HECW1: variants seen among roughly 807,000 people sequenced by gnomAD.
The protein encoded by HECW1 is HECT, C2 and WW domain containing E3 ubiquitin protein ligase 1, also known as E3 ubiquitin-protein ligase HECW1.
Under a neutral mutation model 182.3 loss-of-function variants are expected in HECW1, and 61 were observed. The ratio of observed to expected loss-of-function variants is 0.33; its 90% CI spans 0.27 to 0.41. The LOEUF (loss-of-function observed/expected upper bound fraction) is 0.41. HECW1 is among the 10% of genes least tolerant of loss of function. The pLI, the probability that HECW1 is intolerant of heterozygous loss-of-function variation, is 1.00. For missense variants in HECW1, 1,739 were observed against 2,108.9 expected (o/e 0.82, Z 3.44); for synonymous variants, 859 against 832.6 (o/e 1.03, Z -0.55).
At chr7:43,475,620 A>C (rs796907211) in intron 16 of HECW1, among the ~76,000 whole-genome samples, 6 of 152,328 alleles carry the variant, frequency 3.9e-5, no homozygotes, top group African/African-American at 1.4e-4. Context: ...GCATGATCAC[A>C]GCTCACTGCA....
rs1260232150 is a variant in HECW1, at chr7:43,469,003, C to T, written c.2997C>T (p.Arg999=). 1.1e-5 allele frequency: 17 copies of T among 1,614,120 alleles called. No individual in the cohort carries two copies. The East Asian group carries it at 3.8e-4, about 36-fold the overall frequency. Reference sequence around the variant, plus strand: ...GACGGGATGCTCGCAATTTTGAACGCTACCAGCACAACCGGGACTTGGTGA... The same window carrying T: ...GACGGGATGCTCGCAATTTTGAACGTTACCAGCACAACCGGGACTTGGTGA... ...KVRRDARNFE[R]YQHNRDLVNF... Residue 999 remains arginine (R), a synonymous_variant, in exon 16 of 30, where the codon CGC becomes CGT. Coordinates refer to ENST00000395891, the MANE Select transcript of HECW1 (RefSeq NM_015052.5).
chr7:43,446,279 A>G (rs1179503865), intron 11 of HECW1, among the ~76,000 whole-genome samples: 1 of 152,158 alleles, frequency 6.6e-6, no homozygotes, highest in Non-Finnish European at 1.5e-5. Context: ...TAGTTTTAAA[A>G]CGTATTCTGT....
rs1336867486 is a variant in HECW1 at position 43,179,552 on chromosome 7, A to AGTTTGTT, written c.-31-64319_-31-64313dup. Reference sequence around the variant, plus strand: ...ATTTGGGAGAATTGTATATTTGCTAAGTTTGTTGTTGTTGTTGTTGTTGTT... The same window carrying AGTTTGTT: ...ATTTGGGAGAATTGTATATTTGCTAAGTTTGTTGTTTGTTGTTGTTGTTGTTGTTGTT... On this transcript the variant is annotated intron_variant, in intron 2 of 29. Transcript: ENST00000395891. Among the ~76,000 whole-genome samples, 143 of 114,948 alleles carry AGTTTGTT rather than the reference A, an allele frequency of 1.2e-3. 1 individual carries two copies. Among genetic ancestry groups the AGTTTGTT allele is most frequent in the African/African-American group, 5.3e-3 (134 of 25,330 alleles). The allele number at this position is 114,948 out of a possible 152,430, so 75.4% of individuals were successfully genotyped here.
At chr7:43,247,243 A>G (rs896542203) in intron 3 of HECW1, among the ~76,000 whole-genome samples, 1 of 152,208 alleles carries the variant, frequency 6.6e-6, no homozygotes, top group Non-Finnish European at 1.5e-5. Context: ...AGAAATATGC[A>G]GGAAAACTTG....
chr7:43,187,766 C>A (rs1348927656), intron 2 of HECW1, among the ~76,000 whole-genome samples: 1 of 152,126 alleles, frequency 6.6e-6, no homozygotes, highest in Non-Finnish European at 1.5e-5. Flanking sequence ...CAAATAGGTT[C>A]TGATAATTAT....
At chr7:43,202,918 G>A (rs1199494416) in intron 2 of HECW1, among the ~76,000 whole-genome samples, 1 of 152,034 alleles carries the variant, frequency 6.6e-6, no homozygotes, top group African/African-American at 2.4e-5. Context: ...GCTAGCCAGA[G>A]GACAACCCCC....
Position 43,114,225 on chromosome 7 carries a change from T to C in HECW1, c.-198T>C. 1 of 1,360,532 alleles carries C rather than the reference T, an allele frequency of 7.4e-7. No homozygotes were observed. Among genetic ancestry groups the C allele is most frequent in the Non-Finnish European group, 9.7e-7 (1 of 1,033,996 alleles). 84.3% of individuals were successfully genotyped at this position (1,360,532 alleles called of 1,614,324 possible). Reference sequence around the variant, plus strand: ...CATAGTTCAAAAATTGAGGGAGGCATCTTCTCTCTTTTCCTGGGATTTAAA... The same window carrying C: ...CATAGTTCAAAAATTGAGGGAGGCACCTTCTCTCTTTTCCTGGGATTTAAA... On this transcript the variant is annotated 5_prime_UTR_variant, in exon 2 of 30. Transcript: ENST00000395891.
intron 26 of HECW1, among the ~76,000 whole-genome samples, chr7:43,544,860 A>G (rs2081495705): frequency 6.6e-6 from 1 of 152,224 alleles, no homozygotes; most frequent in South Asian, 2.1e-4. Flanking sequence ...AACAATAAAG[A>G]AAGAAAAACA....
Position 43,320,619 on chromosome 7 carries a change from T to A in HECW1, c.353-16T>A. On this transcript the variant is annotated splice_polypyrimidine_tract_variant and intron_variant, in intron 4 of 29. Transcript: ENST00000395891. ...GATATGTTTCTCTGCTCTGCTTTCT[T>A]CCTCTGGGAATATAGATGAGGTCTT... The A allele has an allele frequency of 6.4e-7, 1 of 1,557,676 alleles. No homozygotes were observed.
intron 3 of HECW1, among the ~76,000 whole-genome samples, chr7:43,287,380 G>A (rs538463590): frequency 6.0e-4 from 91 of 152,248 alleles, no homozygotes; most frequent in African/African-American, 2.1e-3. Context: ...GGTTGTGATG[G>A]GCGGGCAGGA....
At chr7:43,544,838 G>A (rs1262578746) in intron 26 of HECW1, among the ~76,000 whole-genome samples, 1 of 152,008 alleles carries the variant, frequency 6.6e-6, no homozygotes, top group Admixed American at 6.6e-5. Flanking sequence ...GCAATAAACA[G>A]GGTACACTAA....
At chr7:43,481,007 A>G (rs890782397) in intron 17 of HECW1, among the ~76,000 whole-genome samples, 1 of 152,308 alleles carries the variant, frequency 6.6e-6, no homozygotes, top group Non-Finnish European at 1.5e-5. Context: ...ATGTTTTTTC[A>G]TGGAGTCGTC....
At chr7:43,202,673 C>G (rs1795115404) in intron 2 of HECW1, among the ~76,000 whole-genome samples, 1 of 152,038 alleles carries the variant, frequency 6.6e-6, no homozygotes, top group East Asian at 1.9e-4. Flanking sequence ...GGGGTTTCAC[C>G]ATGTTGGCCA....
intron 7 of HECW1, among the ~76,000 whole-genome samples, chr7:43,400,928 C>A (rs966882175): frequency 1.3e-5 from 2 of 152,176 alleles, no homozygotes; most frequent in Non-Finnish European, 2.9e-5. Flanking sequence ...TTCTTTGGCT[C>A]ATGGCTACAT....
At chr7:43,499,463 T>G (rs972073679) in intron 19 of HECW1, among the ~76,000 whole-genome samples, 1 of 143,962 alleles carries the variant, frequency 6.9e-6, no homozygotes, top group Admixed American at 7.1e-5. Context: ...AGCAAGACTC[T>G]GTCTCAAAAA....
intron 2 of HECW1, among the ~76,000 whole-genome samples, chr7:43,235,450 T>C (rs77002406): frequency 0.014 from 2,058 of 152,302 alleles, 49 homozygotes; most frequent in African/African-American, 0.047. Context: ...AAGAGAGGCA[T>C]CCTTGGCCCA....
intron 2 of HECW1, among the ~76,000 whole-genome samples, chr7:43,169,335 G>T (rs533661289): frequency 1.3e-5 from 2 of 152,294 alleles, no homozygotes; most frequent in South Asian, 4.1e-4. Flanking sequence ...GCTGACCTGC[G>T]CATGGCAGGG....
chr7:43,428,140 CA>C (rs2076420779), intron 8 of HECW1, among the ~76,000 whole-genome samples: 2 of 152,214 alleles, frequency 1.3e-5, no homozygotes, highest in South Asian at 4.1e-4. Context: ...CCTTCAGTGC[CA>C]ACCCCACACC....
chr7:43,181,945 C>T lies in HECW1; in HGVS notation c.-31-61930C>T, dbSNP rs1043893164. 7.3e-5 allele frequency among the ~76,000 whole-genome samples: 11 copies of T among 150,686 alleles called. 1 individual carries two copies. Among genetic ancestry groups the T allele is most frequent in the African/African-American group, 2.0e-4 (8 of 40,144 alleles). ...TGGGACTACAGGTGCCCACCACGCC[C>T]GGCTAATTTTTTGTATTTTTAGTAG... On this transcript the variant is annotated intron_variant, in intron 2 of 29. Transcript: ENST00000395891.
Sources: allele counts gnomAD v4.1 joint callset (sites outside exome capture counted in the v4.1 genomes callset), GRCh38; gene constraint gnomAD v4.1.1; transcripts MANE v1.5; gene names NCBI Gene and HGNC (gene_info 2026-07-23, HGNC 2026-07-21).